The following LPP variants were observed in gnomAD, a reference collection of about 807,000 sequenced individuals.
The protein encoded by LPP is lipoma-preferred partner.
In LPP, 38 loss-of-function variants were observed where a neutral mutation model predicts 60.4. That is an observed-to-expected ratio of 0.63 (90% CI 0.49 to 0.83). The LOEUF (loss-of-function observed/expected upper bound fraction) is 0.83, where lower values mean the gene tolerates loss of function less well. Among genes scored for constraint, LPP ranks in the 40% least tolerant of loss-of-function variants. The probability of loss-of-function intolerance (pLI) is 0.00; values close to 1 mark genes in which losing one functional copy is unlikely to be tolerated. For synonymous variants in LPP, 328 were observed against 290.8 expected (o/e 1.13, Z -1.30); for missense variants, 902 against 783.6 (o/e 1.15, Z -1.80).
intron 8 of LPP, among the ~76,000 whole-genome samples, chr3:188,753,580 CGTGTGTGTGTGTGTGT>C (rs141731350): frequency 7.2e-6 from 1 of 139,560 alleles, no homozygotes; most frequent in Non-Finnish European, 1.5e-5. Context: ...TTGTTGTGTG[CGTGTGTGTGTGTGTGT>C]GTGTGTGTGT....
At chr3:188,416,614 A>G (rs1786340774) in intron 4 of LPP, among the ~76,000 whole-genome samples, 1 of 152,150 alleles carries the variant, frequency 6.6e-6, no homozygotes, top group South Asian at 2.1e-4. Flanking sequence ...TCTTGTGAAC[A>G]TTGTACAGAT....
chr3:188,620,048 C>T (rs922269690), intron 7 of LPP, among the ~76,000 whole-genome samples: 1 of 152,090 alleles, frequency 6.6e-6, no homozygotes, highest in African/African-American at 2.4e-5. Context: ...GATTTTTTCT[C>T]ATAGCATTTT....
rs919373716 is a variant in LPP, at chr3:188,159,207, A to G, written c.-190+4955A>G. Among the ~76,000 whole-genome samples, 4 of 152,304 alleles carry G rather than the reference A, an allele frequency of 2.6e-5. No homozygotes were observed. The South Asian group carries it at 8.3e-4, about 32-fold the overall frequency. On this transcript the variant is annotated intron_variant, in intron 1 of 11. Coordinates refer to ENST00000617246, the MANE Select transcript of LPP (RefSeq NM_001375462.1). ...ATCTCACGGCTCCGGTAACGGTGCT[A>G]TATGTTCTCTGGTGCTGAACCATAT... is the stretch of plus-strand genomic sequence containing the variant.
intron 9 of LPP, among the ~76,000 whole-genome samples, chr3:188,847,955 G>C (rs1416548694): frequency 6.6e-6 from 1 of 152,186 alleles, no homozygotes; most frequent in Non-Finnish European, 1.5e-5. Context: ...AGGAAGTCAG[G>C]CTCCTGGGGA....
chr3:188,658,170 G>T (rs1384937004), intron 7 of LPP, among the ~76,000 whole-genome samples: 1 of 3,084 alleles, frequency 3.2e-4, no homozygotes, highest in Non-Finnish European at 1.3e-3. Context: ...TAACGACAGA[G>T]TCTTGCTCTG....
Position 188,339,566 on chromosome 3 carries a change from C to A in LPP, c.-66-2097C>A, listed in dbSNP as rs150307636. The stretch of plus-strand genomic sequence containing the variant: ...AAAGGAGGAACAGGCACCTTCTTCA[C>A]AGGGCGGCAGGAAAGAGTGACTGCC... On this transcript the variant is annotated intron_variant, in intron 2 of 11. Transcript: ENST00000617246. Among the ~76,000 whole-genome samples the A allele has an allele frequency of 6.8e-3, 1,030 of 152,288 alleles. 3 individuals carry two copies. Among genetic ancestry groups the A allele is most frequent in the Non-Finnish European group, 0.011 (782 of 68,028 alleles).
chr3:188,158,461 G>A (rs1717196575), intron 1 of LPP, among the ~76,000 whole-genome samples: 1 of 152,176 alleles, frequency 6.6e-6, no homozygotes, highest in Non-Finnish European at 1.5e-5. Context: ...GGAGAAAAAG[G>A]CTGGTGCATT....
intron 2 of LPP, among the ~76,000 whole-genome samples, chr3:188,267,160 G>T (rs1735873719): frequency 6.6e-6 from 1 of 152,172 alleles, no homozygotes; most frequent in Non-Finnish European, 1.5e-5. Context: ...GGAACATTCT[G>T]TTCCCTCTAG....
intron 3 of LPP, among the ~76,000 whole-genome samples, chr3:188,349,974 C>T (rs7651820): frequency 1 from 152,345 of 152,346 alleles, 76,172 homozygotes; most frequent in Non-Finnish European, 1. Context: ...CTTTGCTGCA[C>T]GTTCAGCTGG....
chr3:188,724,375 T>A (rs547766021), intron 8 of LPP, among the ~76,000 whole-genome samples: 1 of 152,328 alleles, frequency 6.6e-6, no homozygotes, highest in African/African-American at 2.4e-5. Flanking sequence ...ACTTTTCTGG[T>A]AAATCCTATT....
intron 9 of LPP, 34 bp downstream of exon 9, chr3:188,760,316 A>G: frequency 6.2e-7 from 1 of 1,611,934 alleles, no homozygotes; most frequent in Non-Finnish European, 8.5e-7. Context: ...AGCACTTTGC[A>G]AAGATGTCTT....
intron 7 of LPP, among the ~76,000 whole-genome samples, chr3:188,659,370 A>G (rs1024662792): frequency 2.0e-5 from 3 of 152,234 alleles, no homozygotes; most frequent in South Asian, 2.1e-4. Context: ...GTTTGGATCT[A>G]TAAAATAGGA....
chr3:188,812,804 T>G (rs925877945), intron 9 of LPP, among the ~76,000 whole-genome samples: 1 of 152,002 alleles, frequency 6.6e-6, no homozygotes, highest in Non-Finnish European at 1.5e-5. Flanking sequence ...TCGCTGCAGC[T>G]TTCTGTATGT....
intron 3 of LPP, among the ~76,000 whole-genome samples, chr3:188,372,914 G>A (rs1352030385): frequency 6.6e-6 from 1 of 151,666 alleles, no homozygotes; most frequent in Non-Finnish European, 1.5e-5. Flanking sequence ...GTGTCCATGT[G>A]TTCTCATTGT....
chr3:188,401,333 G>A (rs1487024123), intron 3 of LPP, among the ~76,000 whole-genome samples: 1 of 152,148 alleles, frequency 6.6e-6, no homozygotes, highest in East Asian at 1.9e-4. Flanking sequence ...TCATTTTGGT[G>A]CCGCTGGTCT....
At chr3:188,745,621 C>A (rs1287413329) in intron 8 of LPP, among the ~76,000 whole-genome samples, 1 of 151,934 alleles carries the variant, frequency 6.6e-6, no homozygotes, top group Non-Finnish European at 1.5e-5. Flanking sequence ...TAAAGCTGAC[C>A]CCTAATACAT....
chr3:188,864,481 A>G (rs974500292), intron 9 of LPP, among the ~76,000 whole-genome samples: 2 of 152,260 alleles, frequency 1.3e-5, no homozygotes, highest in Non-Finnish European at 2.9e-5. Context: ...TAGAGGAAAT[A>G]GACATAAGCA....
chr3:188,756,847 CTA>C (rs1264586024), intron 8 of LPP, among the ~76,000 whole-genome samples: 9 of 152,120 alleles, frequency 5.9e-5, no homozygotes, highest in African/African-American at 2.2e-4. Context: ...CTGACCCACT[CTA>C]GAGGAATATT....
chr3:188,515,558 C>T (rs932628681), intron 5 of LPP, among the ~76,000 whole-genome samples: 1 of 152,204 alleles, frequency 6.6e-6, no homozygotes, highest in Admixed American at 6.5e-5. Context: ...TACCTTATTT[C>T]TTGTTTATTT....
Sources: allele counts gnomAD v4.1 joint callset (sites outside exome capture counted in the v4.1 genomes callset), GRCh38; gene constraint gnomAD v4.1.1; transcripts MANE v1.5; gene names NCBI Gene and HGNC (gene_info 2026-07-23, HGNC 2026-07-21).